EDARADD: variants seen among roughly 807,000 people sequenced by gnomAD.
EDARADD encodes EDAR associated via death domain.
In EDARADD, 20 loss-of-function variants were observed where a neutral mutation model predicts 25.6. That is an observed-to-expected ratio of 0.78 (90% CI 0.55 to 1.14). The LOEUF is 1.14. Among genes scored for constraint, EDARADD ranks in the 50% most tolerant of loss-of-function variants. The pLI is 0.00. For missense variants in EDARADD, 225 were observed against 270.1 expected (o/e 0.83, Z 1.17); for synonymous variants, 86 against 94.4 (o/e 0.91, Z 0.52).
intron 3 of EDARADD, among the ~76,000 whole-genome samples, chr1:236,373,157 C>T (rs1408829733): frequency 5.3e-5 from 8 of 150,986 alleles, no homozygotes; most frequent in South Asian, 2.1e-4. Flanking sequence ...CCTTGTGATC[C>T]GCCCGCCTTG....
At chr1:236,461,289 CTTAGAT>C (rs1202277194) in intron 4 of EDARADD, among the ~76,000 whole-genome samples, 1 of 152,174 alleles carries the variant, frequency 6.6e-6, no homozygotes, top group Non-Finnish European at 1.5e-5. Context: ...AGTTTGAGGT[CTTAGAT>C]TTAAGTCTTC....
intron 4 of EDARADD, among the ~76,000 whole-genome samples, chr1:236,459,741 T>C (rs1385185125): frequency 6.6e-6 from 1 of 151,026 alleles, no homozygotes; most frequent in African/African-American, 2.4e-5. Context: ...GCCTCCTGAG[T>C]AGCTGGGGTT....
At chr1:236,457,815 T>TC (rs1658915234) in intron 4 of EDARADD, among the ~76,000 whole-genome samples, 1 of 112,858 alleles carries the variant, frequency 8.9e-6, no homozygotes, top group Non-Finnish European at 1.7e-5. Context: ...CAAGACTCTG[T>TC]CCCCCACCAA....
rs1432632257 is a variant in EDARADD, at chr1:236,441,671, C to A, written c.219+14221C>A. On this transcript the variant is annotated intron_variant, in intron 4 of 5. Transcript: ENST00000334232. ...CCTGAGCAGCTAGGATTACAGGCACCCCTCCCGCCCACCACACGTGGCTAA... is the reference window on the plus strand; with the variant it reads ...CCTGAGCAGCTAGGATTACAGGCACACCTCCCGCCCACCACACGTGGCTAA... Among the ~76,000 whole-genome samples, 3 of 151,458 alleles carry A rather than the reference C, an allele frequency of 2.0e-5. No individual in the cohort carries two copies. In the East Asian group the frequency reaches 5.8e-4, roughly 29 times the overall value.
chr1:236,424,709 C>G (rs1272753966), intron 3 of EDARADD, among the ~76,000 whole-genome samples: 1 of 152,046 alleles, frequency 6.6e-6, no homozygotes, highest in East Asian at 1.9e-4. Context: ...TGCCCCGGGG[C>G]TACTAGGAGT....
At chr1:236,467,031 A>C (rs1204089551) in intron 4 of EDARADD, among the ~76,000 whole-genome samples, 1 of 151,834 alleles carries the variant, frequency 6.6e-6, no homozygotes, top group African/African-American at 2.4e-5. Context: ...GTGCCACTGC[A>C]CTCCAGCCTG....
At chr1:236,354,395 A>G (rs1428438653) in intron 3 of EDARADD, among the ~76,000 whole-genome samples, 1 of 151,796 alleles carries the variant, frequency 6.6e-6, no homozygotes, top group African/African-American at 2.4e-5. Context: ...AATTAATTAA[A>G]CTCTCTGAGC....
intron 4 of EDARADD, among the ~76,000 whole-genome samples, chr1:236,434,028 G>A (rs1658176590): frequency 6.6e-6 from 1 of 152,206 alleles, no homozygotes; most frequent in Admixed American, 6.5e-5. Flanking sequence ...TCATGATGAT[G>A]TCATGGTCAA....
At chr1:236,359,383 G>C (rs1667019460) in intron 3 of EDARADD, among the ~76,000 whole-genome samples, 2 of 152,202 alleles carry the variant, frequency 1.3e-5, no homozygotes, top group African/African-American at 2.4e-5. Flanking sequence ...TGACTGAAGG[G>C]AGTTTGAGCT....
chr1:236,466,436 G>A (rs1185384693), intron 4 of EDARADD, among the ~76,000 whole-genome samples: 2 of 27,804 alleles, frequency 7.2e-5, no homozygotes, highest in Admixed American at 1.0e-3. Flanking sequence ...CTCTCTCTCT[G>A]ATAAACACAC....
chr1:236,468,231 G>A lies in EDARADD; in HGVS notation c.220G>A (p.Gly74Arg), dbSNP rs1044285599. Residue 74 changes from glycine to arginine, a missense_variant and splice_region_variant, in exon 5 of 6, where the codon GGA becomes AGA. Coordinates refer to ENST00000334232, the MANE Select transcript of EDARADD (RefSeq NM_145861.4). The part of the protein sequence containing the change: ...CPRNSDMKNQ[G>R]EENGFPDSTG... ...ATGAAGGTTGCTTTTTGGTTTTTAG[G>A]GAGAAGAAAATGGCTTTCCAGATAG... 3.0e-5 allele frequency: 48 copies of A among 1,613,812 alleles called. No homozygotes were observed. Among genetic ancestry groups the A allele is most frequent in the Non-Finnish European group, 3.8e-5 (45 of 1,179,896 alleles).
At chr1:236,475,287 T>C (rs981076184) in intron 5 of EDARADD, among the ~76,000 whole-genome samples, 22 of 152,248 alleles carry the variant, frequency 1.4e-4, no homozygotes, top group African/African-American at 5.3e-4. Flanking sequence ...ATAATATATA[T>C]GATAGTTATT....
chr1:236,371,895 G>A (rs1279824233), intron 3 of EDARADD, among the ~76,000 whole-genome samples: 1 of 151,500 alleles, frequency 6.6e-6, no homozygotes, highest in Non-Finnish European at 1.5e-5. Flanking sequence ...ATGAAGTTGA[G>A]GAAAGTTTTG....
intron 4 of EDARADD, among the ~76,000 whole-genome samples, chr1:236,456,911 G>A (rs116327734): frequency 0.017 from 2,602 of 152,034 alleles, 85 homozygotes; most frequent in African/African-American, 0.06. Context: ...TTTTCAATGG[G>A]ACCTGCCTTG....
chr1:236,363,199 C>T (rs66713312), intron 3 of EDARADD, among the ~76,000 whole-genome samples: 50,808 of 149,100 alleles, frequency 0.34, 8,910 homozygotes, highest in African/African-American at 0.42. Flanking sequence ...GACATCTCTA[C>T]TCTCTTTCAT....
At chr1:236,359,596 T>TA (rs2102991057) in intron 3 of EDARADD, among the ~76,000 whole-genome samples, 1 of 152,326 alleles carries the variant, frequency 6.6e-6, no homozygotes, top group South Asian at 2.1e-4. Context: ...TTAAGGGACT[T>TA]ATAGTTCCCA....
chr1:236,375,099 G>T (rs780841701), intron 3 of EDARADD, among the ~76,000 whole-genome samples: 14 of 150,890 alleles, frequency 9.3e-5, no homozygotes, highest in Non-Finnish European at 1.9e-4. Context: ...TTCTTTAGTT[G>T]TTGTCCTACA....
intron 3 of EDARADD, among the ~76,000 whole-genome samples, chr1:236,424,615 G>A (rs1657864109): frequency 6.6e-6 from 1 of 152,082 alleles, no homozygotes; most frequent in Non-Finnish European, 1.5e-5. Context: ...ATCATCAGGG[G>A]TGGGGCCTTC....
chr1:236,413,622 G>A (rs545161298), intron 2 of EDARADD, among the ~76,000 whole-genome samples: 4 of 152,094 alleles, frequency 2.6e-5, no homozygotes, highest in Non-Finnish European at 4.4e-5. Flanking sequence ...ATAAGTTTCC[G>A]GAACTTTAGA....
Sources: gnomAD v4.1 joint callset for allele counts (sites outside exome capture counted in the v4.1 genomes callset) on GRCh38, gnomAD v4.1.1 for gene constraint, MANE v1.5 for transcripts, NCBI Gene and HGNC (gene_info 2026-07-23, HGNC 2026-07-21) for gene names.